GALNT13: variants seen among roughly 807,000 people sequenced by gnomAD.
The protein encoded by GALNT13 is UDP-GalNAc:polypeptide N-acetylgalactosaminyltransferase 13.
In GALNT13, 28 loss-of-function variants were observed where a neutral mutation model predicts 64.2. The ratio of observed to expected loss-of-function variants is 0.44; its 90% CI spans 0.32 to 0.60. GALNT13 has a LOEUF of 0.60. Ranked by LOEUF, GALNT13 falls within the 20% of genes least tolerant of loss-of-function variation. The pLI, the probability that GALNT13 is intolerant of heterozygous loss-of-function variation, is 0.05. For synonymous variants in GALNT13, 214 were observed against 224.6 expected, an observed-to-expected ratio of 0.95 and a Z score of 0.42; for missense variants, 577 against 669.8, an observed-to-expected ratio of 0.86 and a Z score of 1.53.
At chr2:154,047,245 G>T (rs996327091) in intron 3 of GALNT13, among the ~76,000 whole-genome samples, 7 of 152,094 alleles carry the variant, frequency 4.6e-5, no homozygotes, top group Non-Finnish European at 1.0e-4. Context: ...CTCAATAAAT[G>T]AATAAATAAT....
chr2:154,396,257 A>G, intron 10 of GALNT13, 127 bp downstream of exon 10: 1 of 500,194 alleles, frequency 2.0e-6, no homozygotes, highest in Non-Finnish European at 3.3e-6. Context: ...GTTTTAAACA[A>G]CTTCTCATAT....
At chr2:154,274,093 A>G (rs2105927334) in intron 8 of GALNT13, among the ~76,000 whole-genome samples, 1 of 152,192 alleles carries the variant, frequency 6.6e-6, no homozygotes, top group South Asian at 2.1e-4. Context: ...TTACCTATCA[A>G]TCAGTATAAA....
chr2:153,258,694 T>C, the GALNT13 span, among the ~76,000 whole-genome samples: 1 of 152,204 alleles, frequency 6.6e-6, no homozygotes, highest in Non-Finnish European at 1.5e-5. Context: ...TTAAACATTT[T>C]CTTTGTAATT....
chr2:154,398,621 T>C (rs1243221190), intron 10 of GALNT13, among the ~76,000 whole-genome samples: 1 of 152,172 alleles, frequency 6.6e-6, no homozygotes. Flanking sequence ...GTATGGTGTA[T>C]TGAAAACATT....
chr2:153,160,450 T>C, the GALNT13 span, among the ~76,000 whole-genome samples: 1 of 152,220 alleles, frequency 6.6e-6, no homozygotes, highest in Non-Finnish European at 1.5e-5. Context: ...CATTTTTTTT[T>C]CCTTTCTGCT....
intron 4 of GALNT13, among the ~76,000 whole-genome samples, chr2:154,173,175 G>C (rs530672585): frequency 6.6e-6 from 1 of 151,664 alleles, no homozygotes; most frequent in Non-Finnish European, 1.5e-5. Context: ...ATAAATCCAC[G>C]TATTTACAAC....
intron 8 of GALNT13, among the ~76,000 whole-genome samples, chr2:154,266,562 A>G (rs1490185299): frequency 2.6e-5 from 4 of 152,016 alleles, no homozygotes; most frequent in Non-Finnish European, 5.9e-5. Context: ...GATGTGCAAG[A>G]CCTCTATGCT....
chr2:153,575,420 G>A, the GALNT13 span, among the ~76,000 whole-genome samples: 3 of 152,184 alleles, frequency 2.0e-5, no homozygotes, highest in African/African-American at 7.2e-5. Flanking sequence ...ATGAGAATGT[G>A]TCACAGCCAG....
chr2:154,447,073 G>A (rs1701625240), intron 12 of GALNT13, among the ~76,000 whole-genome samples: 1 of 151,196 alleles, frequency 6.6e-6, no homozygotes, highest in Admixed American at 6.6e-5. Flanking sequence ...GCAAACTATA[G>A]CCATGTCTAT....
chr2:153,114,585 T>G, the GALNT13 span, among the ~76,000 whole-genome samples: 2 of 152,082 alleles, frequency 1.3e-5, no homozygotes. Flanking sequence ...CTGACACCAG[T>G]GAAGTTTTGA....
At chr2:153,448,994 GTC>G in the GALNT13 span, among the ~76,000 whole-genome samples, 7 of 151,992 alleles carry the variant, frequency 4.6e-5, no homozygotes, top group Non-Finnish European at 8.8e-5. Flanking sequence ...CTGTCTTTCT[GTC>G]TCTCTCTCCC....
chr2:153,395,031 G>T, the GALNT13 span, among the ~76,000 whole-genome samples: 1 of 152,132 alleles, frequency 6.6e-6, no homozygotes, highest in South Asian at 2.1e-4. Flanking sequence ...TTGTTTGCTG[G>T]CTGTCAGCTA....
chr2:153,983,012 C>G (rs1294009497), intron 3 of GALNT13, among the ~76,000 whole-genome samples: 1 of 151,800 alleles, frequency 6.6e-6, no homozygotes, highest in African/African-American at 2.4e-5. Context: ...CTATTTTTAT[C>G]TGGAGATAAA....
intron 9 of GALNT13, among the ~76,000 whole-genome samples, chr2:154,390,672 A>T (rs1559129658): frequency 6.6e-6 from 1 of 151,810 alleles, no homozygotes; most frequent in African/African-American, 2.4e-5. Flanking sequence ...CAGCTTATTT[A>T]AAAAAAATAG....
chr2:153,345,699 C>CT, the GALNT13 span, among the ~76,000 whole-genome samples: 18 of 106,248 alleles, frequency 1.7e-4, no homozygotes, highest in African/African-American at 6.2e-4. Context: ...TTCTTTCTTT[C>CT]TTTCTCTTTC....
At chr2:153,577,304 A>C in the GALNT13 span, among the ~76,000 whole-genome samples, 7 of 152,192 alleles carry the variant, frequency 4.6e-5, no homozygotes, top group Non-Finnish European at 1.0e-4. Flanking sequence ...ACAGTCTAAA[A>C]TTTTAAGAAA....
At chr2:154,242,244 G>A (rs1306119075) in intron 5 of GALNT13, 48 bp downstream of exon 5, 1 of 1,555,222 alleles carries the variant, frequency 6.4e-7, no homozygotes, top group Non-Finnish European at 8.8e-7. Context: ...GTTTTGTTTT[G>A]TTTTGTTTTT....
intron 4 of GALNT13, among the ~76,000 whole-genome samples, chr2:154,150,037 C>A (rs1428373310): frequency 1.3e-5 from 2 of 152,106 alleles, no homozygotes; most frequent in African/African-American, 4.8e-5. Flanking sequence ...CAGTTTTTGC[C>A]CATTCAGTAT....
At chr2:154,381,353 T>A (rs1698261119) in intron 9 of GALNT13, among the ~76,000 whole-genome samples, 1 of 152,064 alleles carries the variant, frequency 6.6e-6, no homozygotes, top group African/African-American at 2.4e-5. Flanking sequence ...AAAGATCACT[T>A]TCCTCAGAGA....
Sources: allele counts gnomAD v4.1 joint callset (sites outside exome capture counted in the v4.1 genomes callset), GRCh38; gene constraint gnomAD v4.1.1; transcripts MANE v1.5; gene names NCBI Gene and HGNC (gene_info 2026-07-23, HGNC 2026-07-21).